The following EYA4 variants were observed in gnomAD, a reference collection of about 807,000 sequenced individuals.
EYA4 encodes the protein EYA transcriptional coactivator and phosphatase 4, also known as protein phosphatase EYA4.
Under a neutral mutation model 87.9 loss-of-function variants are expected in EYA4, and 31 were observed. The observed-to-expected ratio is 0.35, with a 90% confidence interval of 0.27 to 0.48. EYA4 has a LOEUF of 0.48. EYA4 is among the 20% of genes least tolerant of loss of function. The pLI, the probability that EYA4 is intolerant of heterozygous loss-of-function variation, is 0.99. For missense variants in EYA4, 678 were observed against 761.4 expected (o/e 0.89, Z 1.29); for synonymous variants, 263 against 270.6 (o/e 0.97, Z 0.28).
At chr6:133,390,488 C>G (rs1302855153) in intron 3 of EYA4, among the ~76,000 whole-genome samples, 1 of 152,178 alleles carries the variant, frequency 6.6e-6, no homozygotes, top group African/African-American at 2.4e-5. Context: ...TCCTAAAGTG[C>G]TGGGATTACA....
intron 10 of EYA4, among the ~76,000 whole-genome samples, chr6:133,466,005 A>G (rs918798458): frequency 1.3e-5 from 2 of 152,066 alleles, no homozygotes. Context: ...GCATTTATTT[A>G]TTGGTCCAGC....
chr6:133,481,434 A>C, intron 11 of EYA4, 29 bp from the exon 12 acceptor site: 1 of 1,609,308 alleles, frequency 6.2e-7, no homozygotes, highest in Non-Finnish European at 8.5e-7. Context: ...ATGAAGTGCT[A>C]TTCTTGACCT....
At chr6:133,352,149 G>A (rs1261653895) in intron 2 of EYA4, among the ~76,000 whole-genome samples, 2 of 151,992 alleles carry the variant, frequency 1.3e-5, no homozygotes, top group Non-Finnish European at 2.9e-5. Context: ...GCTTTGATTT[G>A]CATTTTTATT....
Position 133,531,793 on chromosome 6 carries a change from T to C in EYA4, c.*2988T>C, listed in dbSNP as rs1801024058. The C allele has an allele frequency of 6.6e-6, 1 of 152,354 alleles. No individual in the cohort carries two copies. The highest frequency in any genetic ancestry group is 6.5e-5 in the Admixed American group (1 of 15,296). The allele number at this position is 152,354 out of a possible 1,614,324, so 9.4% of individuals were successfully genotyped here. On this transcript the variant is annotated 3_prime_UTR_variant, in exon 20 of 20. Transcript: ENST00000355286. Reference sequence around the variant, plus strand: ...CGCAATGAGCTAAGATTCAGAATAGTGTCAACAGCATGCTCCTATATGAAG... The same window carrying C: ...CGCAATGAGCTAAGATTCAGAATAGCGTCAACAGCATGCTCCTATATGAAG...
chr6:133,482,403 A>G (rs1443017975), intron 12 of EYA4, among the ~76,000 whole-genome samples: 1 of 152,220 alleles, frequency 6.6e-6, no homozygotes, highest in African/African-American at 2.4e-5. Context: ...GTGCAGGCCC[A>G]TTCTGAGGGA....
intron 5 of EYA4, 134 bp from the exon 6 acceptor site, chr6:133,456,422 A>G: frequency 8.1e-6 from 6 of 739,458 alleles, no homozygotes; most frequent in South Asian, 1.5e-5. Context: ...AGCTAAATTA[A>G]CAAACTCTCT....
chr6:133,348,960 G>T (rs544791248), intron 2 of EYA4, among the ~76,000 whole-genome samples: 2 of 152,092 alleles, frequency 1.3e-5, no homozygotes, highest in African/African-American at 4.8e-5. Flanking sequence ...GGCCTTTGAG[G>T]CTCTACACAA....
At chr6:133,306,671 T>G (rs1215534510) in intron 2 of EYA4, among the ~76,000 whole-genome samples, 3 of 152,218 alleles carry the variant, frequency 2.0e-5, no homozygotes, top group African/African-American at 7.2e-5. Flanking sequence ...GATTCTCTCA[T>G]TTGTTTCATG....
At chr6:133,278,656 G>A (rs1029669742) in intron 2 of EYA4, among the ~76,000 whole-genome samples, 1 of 152,124 alleles carries the variant, frequency 6.6e-6, no homozygotes, top group African/African-American at 2.4e-5. Flanking sequence ...TGCATAGAAG[G>A]TCTAACATGA....
At chr6:133,298,946 A>G (rs1318502936) in intron 2 of EYA4, among the ~76,000 whole-genome samples, 3 of 152,198 alleles carry the variant, frequency 2.0e-5, no homozygotes, top group East Asian at 1.9e-4. Flanking sequence ...GTGGATAAAG[A>G]TAAGTAAAAG....
chr6:133,272,488 T>C (rs573093143), intron 1 of EYA4, among the ~76,000 whole-genome samples: 1 of 152,330 alleles, frequency 6.6e-6, no homozygotes, highest in South Asian at 2.1e-4. Flanking sequence ...TCCCAGTTCA[T>C]GATAGCCAGT....
intron 1 of EYA4, among the ~76,000 whole-genome samples, chr6:133,272,156 T>C (rs1776746233): frequency 6.6e-6 from 1 of 152,190 alleles, no homozygotes; most frequent in Non-Finnish European, 1.5e-5. Context: ...TTCAGAGATG[T>C]CCCAGAAAGG....
chr6:133,501,288 C>G (rs569430203), intron 13 of EYA4, among the ~76,000 whole-genome samples: 2 of 151,978 alleles, frequency 1.3e-5, no homozygotes. Context: ...CCCTTGTTTT[C>G]TTGTCTGTTT....
At chr6:133,394,285 T>TG (rs1562369144) in intron 3 of EYA4, among the ~76,000 whole-genome samples, 2 of 14,808 alleles carry the variant, frequency 1.4e-4, no homozygotes, top group African/African-American at 2.7e-4. Flanking sequence ...TAAGCTTGTG[T>TG]TTTTTTTTTT....
intron 6 of EYA4, among the ~76,000 whole-genome samples, chr6:133,460,683 T>G (rs1794302888): frequency 1.3e-5 from 2 of 152,112 alleles, no homozygotes; most frequent in Non-Finnish European, 2.9e-5. Flanking sequence ...AGTCTTATTT[T>G]GTATTGTATT....
intron 2 of EYA4, among the ~76,000 whole-genome samples, chr6:133,281,485 A>G (rs1358396816): frequency 1.3e-5 from 2 of 152,214 alleles, no homozygotes; most frequent in Non-Finnish European, 2.9e-5. Flanking sequence ...GCTTCAGTTA[A>G]GATAATGGCC....
At chr6:133,463,269 A>G (rs757526693) in intron 9 of EYA4, among the ~76,000 whole-genome samples, 12 of 151,822 alleles carry the variant, frequency 7.9e-5, no homozygotes, top group Non-Finnish European at 1.8e-4. Context: ...CTGTTATATA[A>G]TATTTACTCT....
chr6:133,399,769 G>A (rs772384107), intron 3 of EYA4, among the ~76,000 whole-genome samples: 3 of 152,078 alleles, frequency 2.0e-5, no homozygotes, highest in Non-Finnish European at 4.4e-5. Context: ...AAGATAAATT[G>A]GCAACGTGCC....
rs1022608524 is a variant in EYA4, at chr6:133,425,401, T to C, written c.84-21229T>C. ...AGTTGACCTGAATGGAAATCAGTAA[T>C]ATAATAATATCCATCTTCTACCCAA... On this transcript the variant is annotated intron_variant, in intron 3 of 19. Coordinates refer to ENST00000355286, the MANE Select transcript of EYA4 (RefSeq NM_004100.5). Among the ~76,000 whole-genome samples the C allele has an allele frequency of 6.0e-5, 9 of 150,092 alleles. No individual in the cohort carries two copies. In the South Asian group the frequency reaches 6.4e-4, roughly 11 times the overall value.
Sources: gnomAD v4.1 joint callset for allele counts (sites outside exome capture counted in the v4.1 genomes callset) on GRCh38, gnomAD v4.1.1 for gene constraint, MANE v1.5 for transcripts, NCBI Gene and HGNC (gene_info 2026-07-23, HGNC 2026-07-21) for gene names.